ELP4: variants seen among roughly 807,000 people sequenced by gnomAD.
ELP4 encodes elongator acetyltransferase complex subunit 4.
A neutral mutation model predicts 48.9 loss-of-function variants in ELP4; 51 were observed. The ratio of observed to expected loss-of-function variants is 1.04; its 90% confidence interval spans 0.83 to 1.32. The LOEUF is 1.32. ELP4 is among the 40% of genes most tolerant of loss of function. The pLI, the probability that ELP4 is intolerant of heterozygous loss-of-function variation, is 0.00. For synonymous variants in ELP4, 210 were observed against 189.2 expected (o/e 1.11, Z -0.90); for missense variants, 519 against 514.6 (o/e 1.01, Z -0.08).
rs553185287 is a variant in ELP4, at chr11:31,587,850, G to T, written c.382-6920G>T. On this transcript the variant is annotated intron_variant, in intron 3 of 9. Transcript: ENST00000640961. ...AAAAACTAAATATATTTATACCATA[G>T]TGTAATTAACACCACCACTGATAAT... is the stretch of plus-strand genomic sequence containing the variant. Among the ~76,000 whole-genome samples the T allele has an allele frequency of 2.2e-4, 34 of 152,044 alleles. 1 individual carries two copies. In the South Asian group the frequency reaches 6.2e-3, roughly 28 times the overall value.
At chr11:31,687,364 A>C (rs563824988) in intron 9 of ELP4, among the ~76,000 whole-genome samples, 1 of 152,328 alleles carries the variant, frequency 6.6e-6, no homozygotes, top group South Asian at 2.1e-4. Flanking sequence ...AATCATGTGG[A>C]GTGGTCTCAT....
At chr11:31,743,092 G>T (rs1947495242) in intron 9 of ELP4, among the ~76,000 whole-genome samples, 2 of 152,076 alleles carry the variant, frequency 1.3e-5, no homozygotes, top group African/African-American at 2.4e-5. Flanking sequence ...AAAGGCAGGG[G>T]TTGCAATCCT....
At chr11:31,729,420 C>T (rs916878856) in intron 9 of ELP4, among the ~76,000 whole-genome samples, 2 of 152,100 alleles carry the variant, frequency 1.3e-5, no homozygotes, top group Non-Finnish European at 2.9e-5. Context: ...GGCAAATAAT[C>T]ATTTTGGGAA....
chr11:31,633,755 ATACTACTACTTATACTAC>A (rs1326515556), intron 7 of ELP4: 1 of 152,196 alleles, frequency 6.6e-6, no homozygotes, highest in Admixed American at 6.6e-5. Context: ...ACTGGTGAAA[ATACTACTACTTATACTAC>A]TACTACTACT....
rs1161830055 is a variant in ELP4 at position 31,783,621 on chromosome 11, C to G, written c.*97C>G. On this transcript the variant is annotated 3_prime_UTR_variant, in exon 10 of 10. Coordinates refer to ENST00000640961, the MANE Select transcript of ELP4 (RefSeq NM_019040.5). Reference sequence around the variant, plus strand: ...TATTTTTCTTAACAATTTGACCCTCCACTCCTTGAAAAACACAGGATTATA... The same window carrying G: ...TATTTTTCTTAACAATTTGACCCTCGACTCCTTGAAAAACACAGGATTATA... 13 of 1,191,074 alleles carry G rather than the reference C, an allele frequency of 1.1e-5. No individual in the cohort carries two copies. Among genetic ancestry groups the G allele is most frequent in the Non-Finnish European group, 1.5e-5 (13 of 873,116 alleles). 73.8% of individuals were successfully genotyped at this position (1,191,074 alleles called of 1,614,324 possible).
At chr11:31,590,643 G>T (rs1319774608) in intron 3 of ELP4, among the ~76,000 whole-genome samples, 3 of 152,164 alleles carry the variant, frequency 2.0e-5, no homozygotes, top group Non-Finnish European at 4.4e-5. Context: ...TCACAGATCT[G>T]CAAGCTGTAC....
intron 9 of ELP4, among the ~76,000 whole-genome samples, chr11:31,727,359 G>T (rs1458541918): frequency 1.3e-5 from 2 of 152,094 alleles, no homozygotes; most frequent in Non-Finnish European, 2.9e-5. Context: ...AGACTAGGTA[G>T]TTTATGGGAG....
chr11:31,529,094 C>T (rs1374171441), intron 2 of ELP4, among the ~76,000 whole-genome samples: 8 of 146,340 alleles, frequency 5.5e-5, no homozygotes, highest in Non-Finnish European at 1.0e-4. Flanking sequence ...CTCCAGCCTG[C>T]GTGAGAGTGA....
intron 1 of ELP4, among the ~76,000 whole-genome samples, chr11:31,513,549 G>T (rs1324871369): frequency 6.6e-6 from 1 of 152,072 alleles, no homozygotes; most frequent in Admixed American, 6.5e-5. Context: ...GAAAGGACTG[G>T]CATAAATCAC....
chr11:31,546,022 G>A (rs1450468958), intron 3 of ELP4, among the ~76,000 whole-genome samples: 1 of 152,046 alleles, frequency 6.6e-6, no homozygotes. Flanking sequence ...ACCAGCTGCT[G>A]CAAAATCATG....
chr11:31,777,156 T>C (rs1374946171), intron 9 of ELP4, among the ~76,000 whole-genome samples: 1 of 152,004 alleles, frequency 6.6e-6, no homozygotes, highest in African/African-American at 2.4e-5. Flanking sequence ...AATGATTATA[T>C]AATAGCATAT....
chr11:31,551,312 C>T (rs899393528), intron 3 of ELP4, among the ~76,000 whole-genome samples: 3 of 152,136 alleles, frequency 2.0e-5, no homozygotes, highest in Non-Finnish European at 4.4e-5. Context: ...AACATCATCT[C>T]GTCCTTCCTT....
At chr11:31,581,590 C>T (rs1957393361) in intron 3 of ELP4, among the ~76,000 whole-genome samples, 1 of 152,092 alleles carries the variant, frequency 6.6e-6, no homozygotes, top group South Asian at 2.1e-4. Context: ...CTCTGTATTC[C>T]TTCTTGTTCT....
At chr11:31,512,121 A>G (rs902209730) in intron 1 of ELP4, 3 of 152,188 alleles carry the variant, frequency 2.0e-5, no homozygotes, top group Non-Finnish European at 4.4e-5. Context: ...CTATGTTATT[A>G]CTTGAAAATG....
chr11:31,715,026 C>A (rs1369512349), intron 9 of ELP4: 2 of 381,422 alleles, frequency 5.2e-6, no homozygotes, highest in Non-Finnish European at 9.3e-6. Flanking sequence ...GCCTACCACA[C>A]ATTTCTTTCA....
intron 2 of ELP4, among the ~76,000 whole-genome samples, chr11:31,529,017 T>A (rs1956346530): frequency 6.6e-6 from 1 of 150,384 alleles, no homozygotes; most frequent in South Asian, 2.1e-4. Context: ...TGAAATTACA[T>A]GAAAATTTGT....
At chr11:31,545,328 G>A (rs1409336439) in intron 3 of ELP4, among the ~76,000 whole-genome samples, 1 of 152,224 alleles carries the variant, frequency 6.6e-6, no homozygotes, top group East Asian at 1.9e-4. Context: ...CGAGAACTAT[G>A]TGAAGAATGC....
intron 9 of ELP4, chr11:31,763,453 C>T (rs1947988084): frequency 6.2e-7 from 1 of 1,610,018 alleles, no homozygotes; most frequent in African/African-American, 1.3e-5. Flanking sequence ...GAACATTTAT[C>T]CTCCAGGCTT....
At chr11:31,734,501 A>C (rs1248430477) in intron 9 of ELP4, among the ~76,000 whole-genome samples, 2 of 152,252 alleles carry the variant, frequency 1.3e-5, no homozygotes, top group Admixed American at 6.5e-5. Flanking sequence ...TAATAAATGA[A>C]TTCAGCAAAG....
Sources: gnomAD v4.1 joint callset for allele counts (sites outside exome capture counted in the v4.1 genomes callset) on GRCh38, gnomAD v4.1.1 for gene constraint, MANE v1.5 for transcripts, NCBI Gene and HGNC (gene_info 2026-07-23, HGNC 2026-07-21) for gene names.